DEPDC1B: variants seen among roughly 807,000 people sequenced by gnomAD.
DEPDC1B encodes the protein DEP domain-containing protein 1B.
DEPDC1B carries 51 observed loss-of-function variants against 66.5 expected under a neutral mutation model. The ratio of observed to expected loss-of-function variants is 0.77; its 90% CI spans 0.61 to 0.97. The LOEUF (loss-of-function observed/expected upper bound fraction) is 0.97. Among genes scored for constraint, DEPDC1B ranks in the 50% least tolerant of loss-of-function variants. The pLI is 0.00. For synonymous variants in DEPDC1B, 226 were observed against 223.6 expected, an observed-to-expected ratio of 1.01 and a Z score of -0.10; for missense variants, 552 against 637.1, an observed-to-expected ratio of 0.87 and a Z score of 1.44.
Position 60,647,407 on chromosome 5 carries a change from T to TG in DEPDC1B, c.440dup (p.Val148SerfsTer6). ...CAGTCATGGCACTTACCATCACAAC[T>TG]GGCCTCACTGGGATGTTCTCTTGTG... On this transcript the variant is annotated frameshift_variant, in exon 3 of 11. Transcript: ENST00000265036. LOFTEE classifies it high-confidence loss of function. The TG allele has an allele frequency of 6.2e-7, 1 of 1,605,336 alleles. No homozygotes were observed. Among genetic ancestry groups the TG allele is most frequent in the Non-Finnish European group, 8.5e-7 (1 of 1,177,194 alleles).
chr5:60,602,613 ATATAT>A (rs1462197105), intron 9 of DEPDC1B, among the ~76,000 whole-genome samples: 3 of 152,046 alleles, frequency 2.0e-5, no homozygotes, highest in African/African-American at 2.4e-5. Flanking sequence ...CACGATAATA[ATATAT>A]TATATTTCTT....
chr5:60,696,247 C>T (rs1193042986), intron 1 of DEPDC1B, among the ~76,000 whole-genome samples: 1 of 152,164 alleles, frequency 6.6e-6, no homozygotes, highest in African/African-American at 2.4e-5. Flanking sequence ...GGATTAACTG[C>T]TCTATTGCTA....
At chr5:60,662,631 C>T (rs1001100987) in intron 2 of DEPDC1B, among the ~76,000 whole-genome samples, 2 of 152,158 alleles carry the variant, frequency 1.3e-5, no homozygotes, top group African/African-American at 2.4e-5. Flanking sequence ...GTGCAGCCTA[C>T]AAGGACACCT....
chr5:60,619,295 C>G (rs567378766), intron 7 of DEPDC1B, among the ~76,000 whole-genome samples: 3 of 152,162 alleles, frequency 2.0e-5, no homozygotes, highest in Non-Finnish European at 2.9e-5. Flanking sequence ...CCAAGGCAAT[C>G]AGGAAGGAGA....
At chr5:60,621,762 T>G (rs1752708465) in intron 7 of DEPDC1B, among the ~76,000 whole-genome samples, 1 of 152,232 alleles carries the variant, frequency 6.6e-6, no homozygotes, top group Admixed American at 6.5e-5. Flanking sequence ...GAACAGTTTT[T>G]GGTTATTACT....
intron 2 of DEPDC1B, among the ~76,000 whole-genome samples, chr5:60,653,946 T>C (rs1753517434): frequency 6.7e-6 from 1 of 149,268 alleles, no homozygotes; most frequent in African/African-American, 2.5e-5. Context: ...GGTTCTCTAT[T>C]CTGTTCCATT....
chr5:60,616,867 A>T (rs965028365), intron 7 of DEPDC1B, among the ~76,000 whole-genome samples: 4 of 152,224 alleles, frequency 2.6e-5, no homozygotes, highest in Non-Finnish European at 5.9e-5. Flanking sequence ...GAAGGAAAAA[A>T]TGTTAAGGGC....
At chr5:60,615,673 G>A (rs948661156) in intron 7 of DEPDC1B, among the ~76,000 whole-genome samples, 1 of 152,220 alleles carries the variant, frequency 6.6e-6, no homozygotes, top group Admixed American at 6.5e-5. Flanking sequence ...GCCCACTGCA[G>A]CTCAAGGAGG....
chr5:60,605,475 C>A (rs1399912332), intron 8 of DEPDC1B, among the ~76,000 whole-genome samples: 1 of 152,114 alleles, frequency 6.6e-6, no homozygotes, highest in African/African-American at 2.4e-5. Flanking sequence ...TGTAGCAGAT[C>A]TCTCTACAGA....
chr5:60,659,542 G>A (rs1753658916), intron 2 of DEPDC1B, among the ~76,000 whole-genome samples: 1 of 152,174 alleles, frequency 6.6e-6, no homozygotes, highest in South Asian at 2.1e-4. Context: ...CAATTTTCCT[G>A]GGGAAGCCAA....
chr5:60,601,985 CA>C (rs371469174), intron 9 of DEPDC1B, among the ~76,000 whole-genome samples: 1,892 of 152,254 alleles, frequency 0.012, 15 homozygotes, highest in Non-Finnish European at 0.021. Flanking sequence ...ACACAGCTAA[CA>C]AAAGGCATGT....
intron 1 of DEPDC1B, among the ~76,000 whole-genome samples, chr5:60,689,528 A>G (rs996346922): frequency 6.6e-6 from 1 of 152,344 alleles, no homozygotes; most frequent in African/African-American, 2.4e-5. Flanking sequence ...TGTATCTTGA[A>G]TTTTAACAAA....
At position 60,618,310 on chromosome 5, in the gene DEPDC1B, A is replaced by C. The variant is rs543992278; in HGVS notation, c.899-12454T>G. On this transcript the variant is annotated intron_variant, in intron 7 of 10. Transcript: ENST00000265036. ...ATCAGAGCAGAACTGAAGGAAATAG[A>C]GACACAAAAAACCCTTCAAAAAATC... Among the ~76,000 whole-genome samples the C allele has an allele frequency of 4.5e-4, 68 of 152,204 alleles. 1 individual carries two copies. Among genetic ancestry groups the C allele is most frequent in the Non-Finnish European group, 8.5e-4 (58 of 68,034 alleles).
chr5:60,677,295 G>GACACACACACAC (rs770270774), intron 2 of DEPDC1B, among the ~76,000 whole-genome samples: 4 of 113,792 alleles, frequency 3.5e-5, no homozygotes, highest in African/African-American at 1.1e-4. Flanking sequence ...TTTTCATACA[G>GACACACACACAC]ACACACACAC....
At position 60,655,276 on chromosome 5, in the gene DEPDC1B, A is replaced by AT. The variant is rs565423501; in HGVS notation, c.315-7744dup. On this transcript the variant is annotated intron_variant, in intron 2 of 10. Transcript: ENST00000265036. The stretch of plus-strand genomic sequence containing the variant: ...CCTAGACTTTTTATTGTTGCTGGCT[A>AT]TTTTTTTCTTACCATTTGAATCTCG... Among the ~76,000 whole-genome samples, 65 of 147,640 alleles carry AT rather than the reference A, an allele frequency of 4.4e-4. 6 individuals are homozygous for AT. Among genetic ancestry groups the AT allele is most frequent in the African/African-American group, 1.6e-3 (62 of 38,918 alleles).
intron 7 of DEPDC1B, chr5:60,628,623 G>A (rs1752853753): frequency 6.6e-6 from 1 of 152,158 alleles, no homozygotes; most frequent in Non-Finnish European, 1.5e-5. Flanking sequence ...CACAGCAAGA[G>A]GAACTATTTC....
At chr5:60,677,152 G>A (rs1754179661) in intron 2 of DEPDC1B, among the ~76,000 whole-genome samples, 1 of 152,094 alleles carries the variant, frequency 6.6e-6, no homozygotes, top group African/African-American at 2.4e-5. Context: ...AAAACTTGAT[G>A]ACTAAACCAC....
chr5:60,680,258 T>C (rs1324113194), intron 2 of DEPDC1B, among the ~76,000 whole-genome samples: 1 of 152,156 alleles, frequency 6.6e-6, no homozygotes, highest in Non-Finnish European at 1.5e-5. Context: ...TTTCTAGTAA[T>C]TGCTGTTGGT....
chr5:60,633,226 C>T (rs1752964854), intron 7 of DEPDC1B, among the ~76,000 whole-genome samples: 1 of 152,222 alleles, frequency 6.6e-6, no homozygotes, highest in Admixed American at 6.5e-5. Context: ...CCTGAAGTTA[C>T]TCTCCTGCCT....
Sources: allele counts gnomAD v4.1 joint callset (sites outside exome capture counted in the v4.1 genomes callset), GRCh38; gene constraint gnomAD v4.1.1; transcripts MANE v1.5; gene names NCBI Gene and HGNC (gene_info 2026-07-23, HGNC 2026-07-21).